Variants in ZNF609 observed in about 807,000 individuals in gnomAD.
ZNF609 encodes zinc finger protein 609.
A neutral mutation model predicts 109.5 loss-of-function variants in ZNF609; 11 were observed. The observed-to-expected ratio is 0.10, with a 90% CI of 0.06 to 0.17. The LOEUF is 0.17. ZNF609 is among the 10% of genes least tolerant of loss of function. ZNF609 has a pLI of 1.00. For synonymous variants in ZNF609, 646 were observed against 662.0 expected (o/e 0.98, Z 0.37); for missense variants, 1,559 against 1,772.4 (o/e 0.88, Z 2.16).
chr15:64,552,660 G>T (rs1894502420), intron 2 of ZNF609, among the ~76,000 whole-genome samples: 1 of 151,868 alleles, frequency 6.6e-6, no homozygotes, highest in Admixed American at 6.6e-5. Flanking sequence ...AGCCATTGTT[G>T]TTTTTTTGAA....
chr15:64,576,986 G>GTA (rs1254185318), intron 2 of ZNF609, among the ~76,000 whole-genome samples: 1 of 109,780 alleles, frequency 9.1e-6, no homozygotes, highest in Non-Finnish European at 1.8e-5. Flanking sequence ...ATATATGTAT[G>GTA]TATACACATA....
At chr15:64,622,470 C>G (rs1895891535) in intron 2 of ZNF609, among the ~76,000 whole-genome samples, 1 of 152,190 alleles carries the variant, frequency 6.6e-6, no homozygotes. Flanking sequence ...TCTGTGTGCT[C>G]TGTTACTATT....
At chr15:64,578,179 C>G (rs1215101117) in intron 2 of ZNF609, among the ~76,000 whole-genome samples, 2 of 150,342 alleles carry the variant, frequency 1.3e-5, no homozygotes, top group South Asian at 2.1e-4. Flanking sequence ...CAGTCTTGCA[C>G]TGTCGCCCAG....
chr15:64,667,261 A>G (rs1361894542), intron 3 of ZNF609, among the ~76,000 whole-genome samples: 2 of 152,258 alleles, frequency 1.3e-5, no homozygotes, highest in African/African-American at 4.8e-5. Context: ...TTTAGACAAC[A>G]TTGTATGTCG....
intron 1 of ZNF609, among the ~76,000 whole-genome samples, chr15:64,486,144 G>A (rs1343543329): frequency 1.3e-5 from 2 of 152,086 alleles, no homozygotes; most frequent in Non-Finnish European, 2.9e-5. Flanking sequence ...TAAATTATTG[G>A]ATTGGTACAT....
At chr15:64,495,302 T>C (rs964411864) in intron 1 of ZNF609, among the ~76,000 whole-genome samples, 2 of 152,232 alleles carry the variant, frequency 1.3e-5, no homozygotes, top group African/African-American at 4.8e-5. Context: ...AGTTTTCAGC[T>C]TACAAAGTGC....
chr15:64,666,329 G>T (rs1382722277), intron 3 of ZNF609, among the ~76,000 whole-genome samples: 3 of 152,068 alleles, frequency 2.0e-5, no homozygotes, highest in Non-Finnish European at 4.4e-5. Flanking sequence ...GGGAGGCGGA[G>T]GTTGCAGTGA....
chr15:64,626,017 C>T (rs2140976246), intron 3 of ZNF609, among the ~76,000 whole-genome samples: 1 of 146,876 alleles, frequency 6.8e-6, no homozygotes, highest in African/African-American at 2.5e-5. Context: ...GAAGTACTTT[C>T]CAAAATTCTA....
chr15:64,578,715 A>G (rs1439736671), intron 2 of ZNF609, among the ~76,000 whole-genome samples: 1 of 152,100 alleles, frequency 6.6e-6, no homozygotes, highest in East Asian at 1.9e-4. Flanking sequence ...ACAAAAAATT[A>G]TGACCAGACA....
chr15:64,461,105 G>A (rs986880274), intron 1 of ZNF609, among the ~76,000 whole-genome samples: 4 of 150,862 alleles, frequency 2.7e-5, no homozygotes, highest in African/African-American at 9.8e-5. Context: ...GGGGTGCCCG[G>A]GAGGGGATTA....
At chr15:64,600,663 C>T (rs927171357) in intron 2 of ZNF609, among the ~76,000 whole-genome samples, 71 of 2,508 alleles carry the variant, frequency 0.028, no homozygotes, top group African/African-American at 0.12. Flanking sequence ...GCAGGGATGG[C>T]GGGGGTGGGG....
At chr15:64,509,331 T>C (rs1455942013) in intron 2 of ZNF609, among the ~76,000 whole-genome samples, 4 of 152,248 alleles carry the variant, frequency 2.6e-5, no homozygotes, top group South Asian at 2.1e-4. Flanking sequence ...ACTGACCTCA[T>C]AGGGTTATTG....
At chr15:64,652,521 G>C (rs1172487906) in intron 3 of ZNF609, among the ~76,000 whole-genome samples, 1 of 151,558 alleles carries the variant, frequency 6.6e-6, no homozygotes, top group Non-Finnish European at 1.5e-5. Context: ...CAAGTAGCTG[G>C]GACTACAGGC....
chr15:64,576,547 C>T (rs750069271), intron 2 of ZNF609, among the ~76,000 whole-genome samples: 1 of 151,820 alleles, frequency 6.6e-6, no homozygotes, highest in Non-Finnish European at 1.5e-5. Context: ...AACTTCCATG[C>T]CCTATTCTAG....
At chr15:64,603,868 G>A (rs916413852) in intron 2 of ZNF609, among the ~76,000 whole-genome samples, 5 of 151,448 alleles carry the variant, frequency 3.3e-5, no homozygotes, top group Admixed American at 1.3e-4. Flanking sequence ...GCATGCTGGC[G>A]GGCACCTGTA....
intron 1 of ZNF609, among the ~76,000 whole-genome samples, chr15:64,480,531 CA>C (rs1159544328): frequency 1.8e-4 from 24 of 134,396 alleles, no homozygotes; most frequent in Middle Eastern, 4.0e-3. Flanking sequence ...GACTCCATCT[CA>C]AAAAAAAAAA....
chr15:64,636,593 T>G (rs1466577036), intron 3 of ZNF609, among the ~76,000 whole-genome samples: 4 of 152,266 alleles, frequency 2.6e-5, no homozygotes, highest in Admixed American at 2.0e-4. Flanking sequence ...TTGTGCATAT[T>G]CTCATTTATG....
intron 2 of ZNF609, among the ~76,000 whole-genome samples, chr15:64,574,999 T>A (rs1487452900): frequency 2.0e-5 from 3 of 152,216 alleles, no homozygotes; most frequent in Non-Finnish European, 4.4e-5. Flanking sequence ...TAGTCCCTTA[T>A]GCTGTTCATT....
At chr15:64,598,382 C>A (rs1357454536) in intron 2 of ZNF609, among the ~76,000 whole-genome samples, 1 of 152,298 alleles carries the variant, frequency 6.6e-6, no homozygotes, top group East Asian at 1.9e-4. Context: ...TCCAAAAGTG[C>A]TGGGACTACA....
Sources: gnomAD v4.1 joint callset for allele counts (sites outside exome capture counted in the v4.1 genomes callset) on GRCh38, gnomAD v4.1.1 for gene constraint, MANE v1.5 for transcripts, NCBI Gene and HGNC (gene_info 2026-07-23, HGNC 2026-07-21) for gene names.